HHLA1: variants seen among roughly 807,000 people sequenced by gnomAD.
The protein encoded by HHLA1 is HHLA1 neighbor of OC90.
In HHLA1, 72 loss-of-function variants were observed where a neutral mutation model predicts 69.9. The observed-to-expected ratio is 1.03, with a 90% CI of 0.85 to 1.25. HHLA1 has a LOEUF of 1.25. HHLA1 is among the 50% of genes most tolerant of loss of function. The pLI is 0.00. For missense variants in HHLA1, 685 were observed against 642.2 expected, an observed-to-expected ratio of 1.07 and a Z score of -0.72; for synonymous variants, 252 against 233.2, an observed-to-expected ratio of 1.08 and a Z score of -0.73.
chr8:132,105,813 C>T (rs1377559693), intron 1 of HHLA1, among the ~76,000 whole-genome samples: 2 of 152,202 alleles, frequency 1.3e-5, no homozygotes, highest in East Asian at 3.8e-4. Flanking sequence ...GATTTTCTGG[C>T]TGTTGAGATG....
chr8:132,103,339 C>T (rs1824143447), intron 3 of HHLA1, among the ~76,000 whole-genome samples: 1 of 152,100 alleles, frequency 6.6e-6, no homozygotes, highest in Admixed American at 6.6e-5. Flanking sequence ...AAAAATCGTC[C>T]AGGTCTGGTG....
At chr8:132,079,570 C>A in intron 11 of HHLA1, 148 bp downstream of exon 11, 1 of 821,982 alleles carries the variant, frequency 1.2e-6, no homozygotes, top group Admixed American at 3.1e-5. Flanking sequence ...CATACCGGCT[C>A]ATACAGATCT....
Position 132,097,000 on chromosome 8 carries a change from T to G in HHLA1, c.281-1214A>C, listed in dbSNP as rs149467656. 5.7e-3 allele frequency among the ~76,000 whole-genome samples: 862 copies of G among 152,234 alleles called. 11 individuals carry two copies. The highest frequency in any genetic ancestry group is 0.02 in the African/African-American group (825 of 41,550). On this transcript the variant is annotated intron_variant, in intron 5 of 16. Coordinates refer to ENST00000414222, the MANE Select transcript of HHLA1 (RefSeq NM_001145095.3). ...TCAGGTGATTTTTATTCATATAAATTTGTTACCCACTGTGATGGTGGATGG... is the reference window on the plus strand; with the variant it reads ...TCAGGTGATTTTTATTCATATAAATGTGTTACCCACTGTGATGGTGGATGG...
At chr8:132,076,180 G>A in intron 13 of HHLA1, 51 bp from the exon 14 acceptor site, 1 of 1,266,424 alleles carries the variant, frequency 7.9e-7, no homozygotes, top group Non-Finnish European at 1.1e-6. Context: ...ATTACCTTAG[G>A]TGATACACAC....
chr8:132,066,120 G>A (rs747981274), intron 15 of HHLA1, among the ~76,000 whole-genome samples, 152 bp from the exon 16 acceptor site: 1 of 152,146 alleles, frequency 6.6e-6, no homozygotes, highest in Admixed American at 6.5e-5. Flanking sequence ...GGGTGTCAGA[G>A]GAGAGATAGG....
In HHLA1 at chr8:132,065,884, A is replaced by G; in HGVS notation, c.1552+2T>C. On this transcript the variant is annotated splice_donor_variant, in intron 16 of 16. Coordinates refer to ENST00000414222, the MANE Select transcript of HHLA1 (RefSeq NM_001145095.3). LOFTEE classifies it high-confidence loss of function. ...TACAACATAGTCAAGCTGTGTACTT[A>G]CTGTGCGAGTGGGACACCCTTTTCA... is the stretch of plus-strand genomic sequence containing the variant. 1 of 1,285,954 alleles carries G rather than the reference A, an allele frequency of 7.8e-7. No individual in the cohort carries two copies. 79.7% of individuals were successfully genotyped at this position (1,285,954 alleles called of 1,614,324 possible).
At chr8:132,100,367 C>G (rs1225909462) in intron 3 of HHLA1, among the ~76,000 whole-genome samples, 2 of 151,956 alleles carry the variant, frequency 1.3e-5, no homozygotes, top group African/African-American at 4.8e-5. Context: ...CTTGGCGATT[C>G]TGATACAGGG....
At chr8:132,090,328 A>G (rs72715345) in intron 7 of HHLA1, among the ~76,000 whole-genome samples, 7,831 of 152,248 alleles carry the variant, frequency 0.051, 268 homozygotes, top group Non-Finnish European at 0.078. Context: ...TTGTTCATTT[A>G]TGGCTTTCCA....
intron 16 of HHLA1, among the ~76,000 whole-genome samples, chr8:132,065,562 G>A (rs183515840): frequency 1.3e-4 from 20 of 152,344 alleles, no homozygotes; most frequent in South Asian, 4.1e-4. Context: ...GATTACAGGC[G>A]TGAGCCACCG....
rs747515402 is a variant in HHLA1 at position 132,076,069 on chromosome 8, G to T, written c.1301C>A (p.Pro434His). ...CTGGTACTTACTTGAAACTTGATGG[G>T]GTCTTGGGACCAGGACTGGCTCTTC... Reference protein sequence around the residue: ...AGEEPVLVPRPHQVSRCPQPL... With the variant: ...AGEEPVLVPRHHQVSRCPQPL... Residue 434 changes from proline to histidine, a missense_variant, in exon 14 of 17, where the codon CCC becomes CAC. By Grantham distance (77) the Pro-to-His change is moderately conservative. Coordinates refer to ENST00000414222, the MANE Select transcript of HHLA1 (RefSeq NM_001145095.3). 8 of 1,550,966 alleles carry T rather than the reference G, an allele frequency of 5.2e-6. No homozygotes were observed. In the South Asian group the frequency reaches 5.9e-5, roughly 12 times the overall value.
chr8:132,087,975 T>C, intron 8 of HHLA1, 74 bp from the exon 9 acceptor site: 2 of 1,194,352 alleles, frequency 1.7e-6, no homozygotes, highest in Non-Finnish European at 2.4e-6. Context: ...GAAATGAAAA[T>C]TAAGTTGAAA....
intron 14 of HHLA1, among the ~76,000 whole-genome samples, chr8:132,071,946 G>C (rs1823552724): frequency 6.6e-6 from 1 of 152,034 alleles, no homozygotes; most frequent in Non-Finnish European, 1.5e-5. Context: ...GTGTGTATAT[G>C]TATGTGCATG....
chr8:132,107,375 A>G (rs768650761), intron 1 of HHLA1, among the ~76,000 whole-genome samples: 1 of 152,070 alleles, frequency 6.6e-6, no homozygotes, highest in Non-Finnish European at 1.5e-5. Context: ...ATGTCAGCTC[A>G]CTGCAACCTC....
At chr8:132,085,540 C>T (rs1317952297) in intron 10 of HHLA1, 9 of 287,284 alleles carry the variant, frequency 3.1e-5, no homozygotes, top group South Asian at 1.5e-4. Context: ...ATCCGAGTGA[C>T]GGCACCAAAT....
chr8:132,079,903 G>C lies in HHLA1; in HGVS notation c.740C>G (p.Pro247Arg), dbSNP rs1823715523. 2 of 1,552,218 alleles carry C rather than the reference G, an allele frequency of 1.3e-6. No homozygotes were observed. The highest frequency in any genetic ancestry group is 1.7e-6 in the Non-Finnish European group (2 of 1,147,108). The part of the protein sequence containing the change: ...KPTTKSQKTL[P>R]STSPGHWTQS... ...GGTCCAGTGTCCGGGGCTTGTACTTGGTAGTGTTTTCTGGCTTTTGGTTGT... is the reference window on the plus strand; with the variant it reads ...GGTCCAGTGTCCGGGGCTTGTACTTCGTAGTGTTTTCTGGCTTTTGGTTGT... The change falls in exon 11 of 17, where the codon CCA (proline) becomes CGA (arginine). Residue 247 changes from proline (P) to arginine (R), a missense_variant. Coordinates refer to ENST00000414222, the MANE Select transcript of HHLA1 (RefSeq NM_001145095.3).
chr8:132,109,060 T>A (rs1824253277), intron 1 of HHLA1, among the ~76,000 whole-genome samples: 1 of 152,202 alleles, frequency 6.6e-6, no homozygotes, highest in Non-Finnish European at 1.5e-5. Context: ...CAGGCTGGAG[T>A]GCAGTGGCAC....
Position 132,089,549 on chromosome 8 carries a change from T to A in HHLA1, c.499A>T (p.Thr167Ser). 2 of 1,532,208 alleles carry A rather than the reference T, an allele frequency of 1.3e-6. No homozygotes were observed. Among genetic ancestry groups the A allele is most frequent in the Middle Eastern group, 1.7e-4 (1 of 5,968 alleles). The allele number at this position is 1,532,208 out of a possible 1,614,324, so 94.9% of individuals were successfully genotyped here. A position where few individuals can be genotyped will look rare whatever the true frequency, so the allele number is the denominator to read the frequency against. Residue 167 changes from threonine (T) to serine (S), a missense_variant, in exon 8 of 17, where the codon ACA (threonine) becomes TCA (serine). Coordinates refer to ENST00000414222, the MANE Select transcript of HHLA1 (RefSeq NM_001145095.3). ...DIIGNSTSYL[T>S]EIFKSTSILS... ...ATGGAGGTTGACTTAAAAATCTCTG[T>A]GAGGTAGCTGGTAGAATTGCCGATG...
In HHLA1 at chr8:132,087,752, C is replaced by A; in HGVS notation, c.590-13G>T. The A allele has an allele frequency of 6.5e-7, 1 of 1,548,616 alleles. No individual in the cohort carries two copies. Among genetic ancestry groups the A allele is most frequent in the South Asian group, 1.2e-5 (1 of 84,008 alleles). ...GAAAGATTCCTTCCTGCAAAAATCA[C>A]ACCAACAGGGTCAGATCTTGGGTTT... On this transcript the variant is annotated splice_polypyrimidine_tract_variant and intron_variant, in intron 9 of 16. Transcript: ENST00000414222.
chr8:132,076,038 T>A lies in HHLA1; in HGVS notation c.1315+17A>T. On this transcript the variant is annotated intron_variant, in intron 14 of 16. Transcript: ENST00000414222. Reference sequence around the variant, plus strand: ...AATAAACACAAGCAATAGTAATGACTGGGCACTGGTACTTACTTGAAACTT... The same window carrying A: ...AATAAACACAAGCAATAGTAATGACAGGGCACTGGTACTTACTTGAAACTT... 6.5e-7 allele frequency: 1 copy of A among 1,532,248 alleles called. No homozygotes were observed. The highest frequency in any genetic ancestry group is 8.9e-7 in the Non-Finnish European group (1 of 1,129,500). The allele number at this position is 1,532,248 out of a possible 1,614,324, so 94.9% of individuals were successfully genotyped here.
Sources: allele counts gnomAD v4.1 joint callset (sites outside exome capture counted in the v4.1 genomes callset), GRCh38; gene constraint gnomAD v4.1.1; transcripts MANE v1.5; gene names NCBI Gene and HGNC (gene_info 2026-07-23, HGNC 2026-07-21).